Variants in MYL12A observed in about 807,000 individuals in gnomAD.
The protein encoded by MYL12A is myosin regulatory light chain 12A.
A neutral mutation model predicts 13.3 loss-of-function variants in MYL12A; 11 were observed. That is an observed-to-expected ratio of 0.83 (90% confidence interval 0.52 to 1.37). The LOEUF is 1.37. MYL12A is among the 40% of genes most tolerant of loss of function. The probability of loss-of-function intolerance (pLI) is 0.00; values close to 1 mark genes in which losing one functional copy is unlikely to be tolerated. For missense variants in MYL12A, 146 were observed against 212.3 expected (o/e 0.69, Z 1.94); for synonymous variants, 51 against 69.9 (o/e 0.73, Z 1.35).
intron 1 of MYL12A, chr18:3,248,115 A>T (rs575736323): frequency 6.6e-6 from 1 of 152,456 alleles, no homozygotes; most frequent in South Asian, 2.1e-4. Flanking sequence ...GAACTCTGGA[A>T]ATGTGGCTTC....
At chr18:3,254,994 C>T (rs1352309077) in intron 3 of MYL12A, among the ~76,000 whole-genome samples, 1 of 152,154 alleles carries the variant, frequency 6.6e-6, no homozygotes, top group East Asian at 1.9e-4. Flanking sequence ...GAAAATAAAT[C>T]GGGTGACATC....
At chr18:3,252,799 T>G (rs1200937360) in intron 1 of MYL12A, among the ~76,000 whole-genome samples, 1 of 152,190 alleles carries the variant, frequency 6.6e-6, no homozygotes, top group African/African-American at 2.4e-5. Flanking sequence ...CAATAGAGAT[T>G]AGGAGATGAA....
intron 1 of MYL12A, 30 bp downstream of exon 1, chr18:3,247,939 G>A (rs1567982304): frequency 6.6e-6 from 1 of 152,252 alleles, no homozygotes. Flanking sequence ...GGGCGCGTGA[G>A]ACCCATCCCG....
At position 3,255,979 on chromosome 18, in the gene MYL12A, T is replaced by C. The variant is rs2081533766; in HGVS notation, c.*61T>C. On this transcript the variant is annotated 3_prime_UTR_variant, in exon 4 of 4. Transcript: ENST00000217652. ...CCACTTTGGGTATTCTGAGATTTTC[T>C]CTTGCATGCCCTTAGCTTTACAGCT... 6.3e-7 allele frequency: 1 copy of C among 1,577,572 alleles called. No homozygotes were observed. Among genetic ancestry groups the C allele is most frequent in the Non-Finnish European group, 8.6e-7 (1 of 1,157,822 alleles).
intron 3 of MYL12A, among the ~76,000 whole-genome samples, chr18:3,254,852 C>A (rs1337954314): frequency 6.6e-6 from 1 of 152,238 alleles, no homozygotes; most frequent in African/African-American, 2.4e-5. Context: ...TCTTTGGTTG[C>A]CTCCATTAGT....
At chr18:3,252,581 A>G in intron 1 of MYL12A, 3 of 787,326 alleles carry the variant, frequency 3.8e-6, no homozygotes, top group Non-Finnish European at 3.5e-6. Context: ...GAGATCTTAG[A>G]TACTTCCAGT....
At chr18:3,251,891 A>G (rs939314700) in intron 1 of MYL12A, among the ~76,000 whole-genome samples, 1 of 139,612 alleles carries the variant, frequency 7.2e-6, no homozygotes, top group African/African-American at 2.5e-5. Flanking sequence ...ATTTGTGACT[A>G]TCCTTTGTGG....
chr18:3,254,632 T>A (rs1261678606), intron 3 of MYL12A, among the ~76,000 whole-genome samples: 1 of 152,234 alleles, frequency 6.6e-6, no homozygotes, highest in Admixed American at 6.5e-5. Flanking sequence ...AGGGTTGTTG[T>A]GAGAATTAAG....
At chr18:3,252,230 T>C in intron 1 of MYL12A, 1 of 1,099,226 alleles carries the variant, frequency 9.1e-7, no homozygotes, top group Non-Finnish European at 1.3e-6. Flanking sequence ...GTGCCTATTT[T>C]AGACCTGCTT....
intron 3 of MYL12A, among the ~76,000 whole-genome samples, chr18:3,254,696 A>T (rs1046520969): frequency 6.6e-6 from 1 of 152,224 alleles, no homozygotes; most frequent in African/African-American, 2.4e-5. Flanking sequence ...CACAGAGTTA[A>T]CTCTCAAAAA....
intron 1 of MYL12A, 153 bp downstream of exon 1, chr18:3,248,062 T>G (rs2081447760): frequency 6.6e-6 from 1 of 152,196 alleles, no homozygotes; most frequent in South Asian, 2.1e-4. Context: ...GGCCATGGCT[T>G]GGAGTGGCCC....
In MYL12A at chr18:3,253,885, T is replaced by C. The variant is rs187497493; in HGVS notation, c.182-4T>C. ...TAAAATTATGACCCCTTTTAAAAAT[T>C]TAGGGAAGAATCCAACTGATGAGTA... On this transcript the variant is annotated splice_polypyrimidine_tract_variant and splice_region_variant and intron_variant, in intron 2 of 3. Transcript: ENST00000217652. 1.5e-3 allele frequency: 2,427 copies of C among 1,593,122 alleles called. 5 individuals are homozygous for C. The highest frequency in any genetic ancestry group is 1.9e-3 in the Non-Finnish European group (2,206 of 1,174,494).
Position 3,255,835 on chromosome 18 carries a change from G to C in MYL12A, c.433G>C (p.Ala145Pro). Residue 145 changes from alanine to proline, a missense_variant, in exon 4 of 4, where the codon GCA (alanine) becomes CCA (proline). Ala to Pro is a conservative substitution (Grantham distance 27, BLOSUM62 -1). Transcript: ENST00000217652. ...GGAAGTGGATGAGCTGTACAGAGAA[G>C]CACCTATTGATAAAAAGGGGAATTT... ...DEEVDELYRE[A>P]PIDKKGNFNY... 2 of 1,614,112 alleles carry C rather than the reference G, an allele frequency of 1.2e-6. No homozygotes were observed. The highest frequency in any genetic ancestry group is 1.7e-6 in the Non-Finnish European group (2 of 1,180,016).
chr18:3,251,521 G>A (rs1388079205), intron 1 of MYL12A, among the ~76,000 whole-genome samples: 2 of 152,172 alleles, frequency 1.3e-5, no homozygotes, highest in Non-Finnish European at 2.9e-5. Flanking sequence ...ACTGGTAAAC[G>A]TGTCACTCAT....
Position 3,255,873 on chromosome 18 carries a change from G to C in MYL12A, c.471G>C (p.Glu157Asp). ...AAAAGGGGAATTTCAATTACATCGA[G>C]TTCACACGCATCCTGAAACATGGAG... ...IDKKGNFNYI[E>D]FTRILKHGAK... Residue 157 changes from glutamate to aspartate, a missense_variant, in exon 4 of 4, where the codon GAG becomes GAC. Glu to Asp is a conservative substitution (Grantham distance 45). Transcript: ENST00000217652. 1 of 1,614,042 alleles carries C rather than the reference G, an allele frequency of 6.2e-7. No homozygotes were observed. Among genetic ancestry groups the C allele is most frequent in the Non-Finnish European group, 8.5e-7 (1 of 1,179,984 alleles).
intron 2 of MYL12A, 81 bp downstream of exon 2, chr18:3,253,509 C>G (rs554269769): frequency 1.3e-6 from 2 of 1,489,410 alleles, no homozygotes; most frequent in Non-Finnish European, 1.8e-6. Context: ...TCTTAAAGCT[C>G]TGTAAAGCCT....
chr18:3,253,781 A>T (rs2081510855), intron 2 of MYL12A, 108 bp from the exon 3 acceptor site: 2 of 1,248,154 alleles, frequency 1.6e-6, no homozygotes, highest in African/African-American at 1.5e-5. Flanking sequence ...ATGAGTGCAA[A>T]CAGTAAACTG....
At chr18:3,253,086 G>C in intron 1 of MYL12A, 147 bp from the exon 2 acceptor site, 1 of 774,502 alleles carries the variant, frequency 1.3e-6, no homozygotes. Context: ...ATCTTGTTGA[G>C]ATGTGTCTTC....
In MYL12A at chr18:3,255,793, G is replaced by T; in HGVS notation, c.391G>T (p.Asp131Tyr). The part of the protein sequence containing the change: ...YLRELLTTMG[D>Y]RFTDEEVDEL... ...GAGAGAGCTGCTGACAACCATGGGG[G>T]ATCGGTTTACAGATGAGGAAGTGGA... The change falls in exon 4 of 4, where the codon GAT (aspartate) becomes TAT (tyrosine). Residue 131 changes from aspartate (D) to tyrosine (Y), a missense_variant. Coordinates refer to ENST00000217652, the MANE Select transcript of MYL12A (RefSeq NM_006471.4). 1 of 1,614,030 alleles carries T rather than the reference G, an allele frequency of 6.2e-7. No individual in the cohort carries two copies. Among genetic ancestry groups the T allele is most frequent in the Non-Finnish European group, 8.5e-7 (1 of 1,179,982 alleles).
Sources: allele counts gnomAD v4.1 joint callset (sites outside exome capture counted in the v4.1 genomes callset), GRCh38; gene constraint gnomAD v4.1.1; transcripts MANE v1.5; gene names NCBI Gene and HGNC (gene_info 2026-07-23, HGNC 2026-07-21).